Variants in CEACAM6 observed in about 807,000 individuals in gnomAD.
CEACAM6 encodes CEA cell adhesion molecule 6, also known as cell adhesion molecule CEACAM6.
In CEACAM6, 21 loss-of-function variants were observed where a neutral mutation model predicts 32.4. That is an observed-to-expected ratio of 0.65 (90% CI 0.46 to 0.93). The LOEUF is 0.93. CEACAM6 is among the 40% of genes least tolerant of loss of function. The pLI is 0.00. For synonymous variants in CEACAM6, 184 were observed against 174.4 expected, an observed-to-expected ratio of 1.06 and a Z score of -0.43; for missense variants, 406 against 432.2, an observed-to-expected ratio of 0.94 and a Z score of 0.54.
intron 5 of CEACAM6, among the ~76,000 whole-genome samples, chr19:41,767,865 G>A (rs928122146): frequency 1.3e-5 from 2 of 151,678 alleles, no homozygotes; most frequent in Admixed American, 1.3e-4. Context: ...AGGAAAAGCC[G>A]CCTTATTTGA....
chr19:41,758,151 C>T (rs1020790471), intron 2 of CEACAM6: 3 of 152,230 alleles, frequency 2.0e-5, no homozygotes, highest in African/African-American at 7.2e-5. Flanking sequence ...CCTCAAATAA[C>T]AGAGTCAGTG....
At chr19:41,760,935 C>A (rs782614745) in intron 2 of CEACAM6, among the ~76,000 whole-genome samples, 1 of 152,222 alleles carries the variant, frequency 6.6e-6, no homozygotes, top group Non-Finnish European at 1.5e-5. Context: ...GGAAGCCAGG[C>A]AGGCAGCTGG....
intron 5 of CEACAM6, among the ~76,000 whole-genome samples, chr19:41,768,391 T>A (rs1157595754): frequency 6.6e-6 from 1 of 152,228 alleles, no homozygotes; most frequent in Non-Finnish European, 1.5e-5. Flanking sequence ...ACACAGCACA[T>A]GTTTCAGAGA....
At chr19:41,757,528 G>C (rs1555821319) in intron 2 of CEACAM6, among the ~76,000 whole-genome samples, 1 of 152,156 alleles carries the variant, frequency 6.6e-6, no homozygotes, top group African/African-American at 2.4e-5. Context: ...TCATCTAGCT[G>C]AGGATAGGGC....
At position 41,766,307 on chromosome 19, in the gene CEACAM6, C is replaced by T. The variant is rs184148699; in HGVS notation, c.*40+8C>T. ...TTTCAGGAAGACTGGCAGGTATGATCGCCTTTCCTCTTGCCATGTTTCCTG... is the reference window on the plus strand; with the variant it reads ...TTTCAGGAAGACTGGCAGGTATGATTGCCTTTCCTCTTGCCATGTTTCCTG... On this transcript the variant is annotated splice_region_variant and intron_variant, in intron 5 of 5. Transcript: ENST00000199764. 35 of 1,399,302 alleles carry T rather than the reference C, an allele frequency of 2.5e-5. No individual in the cohort carries two copies. Among genetic ancestry groups the T allele is most frequent in the Non-Finnish European group, 3.0e-5 (31 of 1,020,790 alleles). The allele number at this position is 1,399,302 out of a possible 1,614,324, so 86.7% of individuals were successfully genotyped here. A position where few individuals can be genotyped will look rare whatever the true frequency, so the allele number is the denominator to read the frequency against.
rs782037107 is a variant in CEACAM6 at position 41,762,021 on chromosome 19, G to A, written c.756G>A (p.Gly252=). 9 of 1,614,000 alleles carry A rather than the reference G, an allele frequency of 5.6e-6. No homozygotes were observed. The highest frequency in any genetic ancestry group is 1.7e-5 in the Admixed American group (1 of 59,994). The change falls in exon 4 of 6, where the codon GGG becomes GGA. Residue 252 remains glycine (G), a synonymous_variant. Coordinates refer to ENST00000199764, the MANE Select transcript of CEACAM6 (RefSeq NM_002483.7). ...CCTCAAAGGCCAATTACCGTCCAGG[G>A]GAAAATCTGAACCTCTCCTGCCACG... is the stretch of plus-strand genomic sequence containing the variant. ...ISPSKANYRP[G]ENLNLSCHAA...
intron 2 of CEACAM6, among the ~76,000 whole-genome samples, chr19:41,760,856 TA>T (rs2072918300): frequency 6.6e-6 from 1 of 151,294 alleles, no homozygotes; most frequent in Admixed American, 6.6e-5. Context: ...AAAATACAGC[TA>T]GGGGGGCAAA....
At chr19:41,763,051 G>C (rs782578463) in intron 4 of CEACAM6, among the ~76,000 whole-genome samples, 60 of 152,152 alleles carry the variant, frequency 3.9e-4, no homozygotes, top group Non-Finnish European at 7.6e-4. Flanking sequence ...GCAGGGAAGG[G>C]GCAGTGACAA....
intron 4 of CEACAM6, among the ~76,000 whole-genome samples, chr19:41,763,528 G>C (rs1320777441): frequency 1.3e-5 from 2 of 152,208 alleles, no homozygotes; most frequent in Non-Finnish European, 2.9e-5. Flanking sequence ...GGCTGTGGCT[G>C]TCAGTCCTGT....
rs781826966 is a variant in CEACAM6, at chr19:41,762,093, G to T, written c.828G>T (p.Thr276=). ...AGTACTCTTGGTTTATCAATGGGAC[G>T]TTCCAGCAATCCACACAAGAGCTCT... ...PAQYSWFING[T]FQQSTQELFI... The change falls in exon 4 of 6, where the codon ACG becomes ACT. Residue 276 remains threonine (T), a synonymous_variant. Coordinates refer to ENST00000199764, the MANE Select transcript of CEACAM6 (RefSeq NM_002483.7). 26 of 1,614,140 alleles carry T rather than the reference G, an allele frequency of 1.6e-5. No individual in the cohort carries two copies. Among genetic ancestry groups the T allele is most frequent in the African/African-American group, 4.0e-5 (3 of 75,024 alleles).
chr19:41,762,490 T>G (rs2072932770), intron 4 of CEACAM6, among the ~76,000 whole-genome samples: 1 of 152,190 alleles, frequency 6.6e-6, no homozygotes, highest in Non-Finnish European at 1.5e-5. Flanking sequence ...CACTGAGCCC[T>G]GTGTAGTGAA....
chr19:41,766,277 C>G lies in CEACAM6; in HGVS notation c.*18C>G, dbSNP rs782112826. ...TGATATAGCAGCCCTGGTGTATTTT[C>G]GATATTTCAGGAAGACTGGCAGGTA... On this transcript the variant is annotated 3_prime_UTR_variant, in exon 5 of 6. Coordinates refer to ENST00000199764, the MANE Select transcript of CEACAM6 (RefSeq NM_002483.7). The G allele has an allele frequency of 6.4e-7, 1 of 1,564,676 alleles. No homozygotes were observed. Among genetic ancestry groups the G allele is most frequent in the Non-Finnish European group, 8.7e-7 (1 of 1,154,008 alleles).
At chr19:41,758,873 C>T (rs1329635934) in intron 2 of CEACAM6, among the ~76,000 whole-genome samples, 3 of 152,178 alleles carry the variant, frequency 2.0e-5, no homozygotes, top group Non-Finnish European at 1.5e-5. Flanking sequence ...CCGCCCCTGC[C>T]GGGCTCCATC....
intron 5 of CEACAM6, among the ~76,000 whole-genome samples, chr19:41,768,734 C>A (rs1247967308): frequency 6.8e-6 from 1 of 146,080 alleles, no homozygotes; most frequent in Non-Finnish European, 1.5e-5. Context: ...GGGGGCTGAC[C>A]CCCCCACCTC....
intron 2 of CEACAM6, among the ~76,000 whole-genome samples, chr19:41,758,886 G>T (rs936266024): frequency 6.6e-6 from 1 of 152,120 alleles, no homozygotes; most frequent in Non-Finnish European, 1.5e-5. Context: ...GCTCCATCAC[G>T]AGCCAATGTC....
intron 1 of CEACAM6, 39 bp from the exon 2 acceptor site, chr19:41,756,561 A>T (rs1555821049): frequency 6.3e-7 from 1 of 1,589,884 alleles, no homozygotes; most frequent in Admixed American, 1.7e-5. Context: ...CCTAATGCAT[A>T]GGTCCCAATA....
At chr19:41,768,136 G>A (rs979953577) in intron 5 of CEACAM6, among the ~76,000 whole-genome samples, 108 of 151,972 alleles carry the variant, frequency 7.1e-4, no homozygotes, top group African/African-American at 2.3e-3. Flanking sequence ...CGCAGAGGGG[G>A]ATTTGGCAGG....
At chr19:41,770,309 G>C (rs2122941484) in intron 5 of CEACAM6, among the ~76,000 whole-genome samples, 1 of 149,708 alleles carries the variant, frequency 6.7e-6, no homozygotes, top group South Asian at 2.1e-4. Context: ...TGTAATCCCA[G>C]TTACTCGGGA....
At position 41,767,243 on chromosome 19, in the gene CEACAM6, G is replaced by A. The variant is rs571891948; in HGVS notation, c.*40+944G>A. Among the ~76,000 whole-genome samples, 4 of 152,156 alleles carry A rather than the reference G, an allele frequency of 2.6e-5. No homozygotes were observed. In the East Asian group the frequency reaches 7.7e-4, roughly 29 times the overall value. The stretch of plus-strand genomic sequence containing the variant: ...CAGGGTGATCTCCCCTCCACTACCT[G>A]CCCTGTGGACTTACTCACACCCTTC... On this transcript the variant is annotated intron_variant, in intron 5 of 5. Transcript: ENST00000199764.
Sources: gnomAD v4.1 joint callset for allele counts (sites outside exome capture counted in the v4.1 genomes callset) on GRCh38, gnomAD v4.1.1 for gene constraint, MANE v1.5 for transcripts, NCBI Gene and HGNC (gene_info 2026-07-23, HGNC 2026-07-21) for gene names.